Variants in GLB1 observed in about 807,000 individuals in gnomAD.
The protein encoded by GLB1 is galactosidase beta 1.
A neutral mutation model predicts 74.0 loss-of-function variants in GLB1; 56 were observed. The observed-to-expected ratio is 0.76, with a 90% CI of 0.61 to 0.94. The LOEUF is 0.94. Ranked by LOEUF, GLB1 falls within the 40% of genes least tolerant of loss-of-function variation. GLB1 has a pLI of 0.00. For synonymous variants in GLB1, 323 were observed against 323.6 expected, an observed-to-expected ratio of 1.00 and a Z score of 0.02; for missense variants, 787 against 845.5, an observed-to-expected ratio of 0.93 and a Z score of 0.86.
Position 33,049,176 on chromosome 3 carries a change from TA to T in GLB1, c.955+2581del, listed in dbSNP as rs568644736. 2.0e-4 allele frequency among the ~76,000 whole-genome samples: 30 copies of T among 152,336 alleles called. No homozygotes were observed. In the South Asian group the frequency reaches 6.2e-3, roughly 32 times the overall value. The stretch of plus-strand genomic sequence containing the variant: ...TGGTCCCGATCCCATCAATGGCAGC[TA>T]GGGGGAATCCCCATCTACTAAGTGA... On this transcript the variant is annotated intron_variant, in intron 9 of 15. Coordinates refer to ENST00000307363, the MANE Select transcript of GLB1 (RefSeq NM_000404.4).
chr3:32,970,153 GACTTA>G, the GLB1 span, among the ~76,000 whole-genome samples: 52 of 152,274 alleles, frequency 3.4e-4, no homozygotes, highest in African/African-American at 1.2e-3. Flanking sequence ...AATAGTTCAG[GACTTA>G]ACTTGACTAT....
At chr3:33,034,250 T>A (rs1698178859) in intron 10 of GLB1, 2 of 677,884 alleles carry the variant, frequency 3.0e-6, no homozygotes, top group African/African-American at 1.8e-5. Context: ...TGGGGCCATC[T>A]TCCTGCTGAC....
rs1698017043 is a variant in GLB1, at chr3:33,031,628, AAAAAAAAAAAAAATATATATAT to A, written c.1069-7325_1069-7304del. Among the ~76,000 whole-genome samples, 5 of 73,090 alleles carry A rather than the reference AAAAAAAAAAAAAATATATATAT, an allele frequency of 6.8e-5. No individual in the cohort carries two copies. In the South Asian group the frequency reaches 1.8e-3, roughly 26 times the overall value. The allele number at this position is 73,090 out of a possible 152,430, so 47.9% of individuals were successfully genotyped here. A position where few individuals can be genotyped will look rare whatever the true frequency, so the allele number is the denominator to read the frequency against. ...CTCTGTCTCAAAAAAAAAAAAAAAA[AAAAAAAAAAAAAATATATATAT>A]ATATATATATATATATATATATATA... On this transcript the variant is annotated intron_variant, in intron 10 of 15. Coordinates refer to ENST00000307363, the MANE Select transcript of GLB1 (RefSeq NM_000404.4).
rs952238345 is a variant in GLB1 at position 32,996,904 on chromosome 3, A to C, written c.*141T>G. ...AAGGTGGGGCTTTGGCACTGCAGGG[A>C]TGCAGGGAAACCTCAGGTGAAAATG... On this transcript the variant is annotated 3_prime_UTR_variant, in exon 16 of 16. Transcript: ENST00000307363. The C allele has an allele frequency of 5.3e-6, 8 of 1,504,694 alleles. No homozygotes were observed. Among genetic ancestry groups the C allele is most frequent in the Non-Finnish European group, 7.2e-6 (8 of 1,104,844 alleles). 93.2% of individuals were successfully genotyped at this position (1,504,694 alleles called of 1,614,324 possible). A position where few individuals can be genotyped will look rare whatever the true frequency, so the allele number is the denominator to read the frequency against.
the GLB1 span, among the ~76,000 whole-genome samples, chr3:32,964,289 C>T: frequency 2.0e-5 from 3 of 152,252 alleles, no homozygotes; most frequent in South Asian, 2.1e-4. Flanking sequence ...ATAAAGTGAA[C>T]GATGGTTCAC....
intron 5 of GLB1, among the ~76,000 whole-genome samples, chr3:33,061,203 G>A (rs1243997294): frequency 1.3e-5 from 2 of 152,126 alleles, no homozygotes; most frequent in Non-Finnish European, 2.9e-5. Flanking sequence ...TTGAGGTCAG[G>A]AGTTTGAAAC....
chr3:33,009,988 TC>T (rs1696955274), intron 15 of GLB1, among the ~76,000 whole-genome samples: 1 of 152,266 alleles, frequency 6.6e-6, no homozygotes, highest in African/African-American at 2.4e-5. Context: ...ACATGCTTTC[TC>T]CACTTGTCAG....
the GLB1 span, among the ~76,000 whole-genome samples, chr3:32,973,003 T>C: frequency 6.6e-6 from 1 of 152,160 alleles, no homozygotes; most frequent in Non-Finnish European, 1.5e-5. Flanking sequence ...AAGTAAGAAA[T>C]GATGTAATGC....
chr3:33,079,490 A>G (rs903900189), intron 1 of GLB1, among the ~76,000 whole-genome samples: 7 of 152,242 alleles, frequency 4.6e-5, no homozygotes, highest in African/African-American at 1.4e-4. Context: ...GAATTGATAG[A>G]TGGAGGAATG....
intron 10 of GLB1, among the ~76,000 whole-genome samples, chr3:33,024,780 T>C (rs1288291667): frequency 1.3e-5 from 2 of 152,194 alleles, no homozygotes; most frequent in Admixed American, 1.3e-4. Context: ...ATGAAACATA[T>C]AACGAAGTAT....
Position 33,016,786 on chromosome 3 carries a change from T to C in GLB1, c.1402A>G (p.Lys468Glu). Reference sequence around the variant, plus strand: ...AGAAGGTCCAGAGTGGCTCCAGCTTTCCCTGTTATGTTCAGAGTGATCACA... The same window carrying C: ...AGAAGGTCCAGAGTGGCTCCAGCTTCCCCTGTTATGTTCAGAGTGATCACA... ...NNVITLNITG[K>E]AGATLDLLVE... The change falls in exon 14 of 16, where the codon AAA becomes GAA. Residue 468 changes from lysine to glutamate, a missense_variant. Transcript: ENST00000307363. 6.2e-7 allele frequency: 1 copy of C among 1,614,196 alleles called. No individual in the cohort carries two copies. Among genetic ancestry groups the C allele is most frequent in the Non-Finnish European group, 8.5e-7 (1 of 1,180,022 alleles).
At chr3:32,987,700 CTT>C in the GLB1 span, among the ~76,000 whole-genome samples, 1 of 152,156 alleles carries the variant, frequency 6.6e-6, no homozygotes, top group South Asian at 2.1e-4. Flanking sequence ...TCTCAATACT[CTT>C]TTAAAAAGAG....
intron 5 of GLB1, among the ~76,000 whole-genome samples, chr3:33,064,870 C>T (rs907303713): frequency 2.7e-5 from 4 of 150,038 alleles, no homozygotes; most frequent in Non-Finnish European, 4.4e-5. Flanking sequence ...ATTTTACCAA[C>T]ACCAAAAACT....
At chr3:32,971,765 A>G in the GLB1 span, among the ~76,000 whole-genome samples, 2 of 152,180 alleles carry the variant, frequency 1.3e-5, no homozygotes, top group African/African-American at 4.8e-5. Context: ...TACTTACCAG[A>G]TCCAAACCCT....
chr3:33,068,737 G>A lies in GLB1; in HGVS notation c.396+83C>T, dbSNP rs530077331. 74 of 1,609,786 alleles carry A rather than the reference G, an allele frequency of 4.6e-5. No homozygotes were observed. In the African/African-American group the frequency reaches 9.5e-4, roughly 21 times the overall value. On this transcript the variant is annotated intron_variant, in intron 3 of 15. Transcript: ENST00000307363. ...CAGGCCCCATGCTCTCTGGAATGCA[G>A]GTCTGCTTTAATTCCCTTTGCCCCA... is the stretch of plus-strand genomic sequence containing the variant.
chr3:33,014,396 G>A, intron 14 of GLB1, 86 bp from the exon 15 acceptor site: 1 of 1,563,292 alleles, frequency 6.4e-7, no homozygotes, highest in Non-Finnish European at 8.7e-7. Context: ...AATGGGAAAA[G>A]CAAACCGGGA....
intron 1 of GLB1, 42 bp downstream of exon 1, chr3:33,096,969 C>A (rs775440094): frequency 6.2e-7 from 1 of 1,603,926 alleles, no homozygotes; most frequent in Admixed American, 1.7e-5. Context: ...GCCAGCCTGT[C>A]CCCTAGCAAT....
intron 15 of GLB1, among the ~76,000 whole-genome samples, chr3:33,008,478 G>A (rs923140004): frequency 6.6e-6 from 1 of 152,156 alleles, no homozygotes; most frequent in African/African-American, 2.4e-5. Context: ...GAAGCTGAGG[G>A]AACAAAGGAG....
At chr3:32,977,289 C>A in the GLB1 span, among the ~76,000 whole-genome samples, 4 of 150,942 alleles carry the variant, frequency 2.7e-5, no homozygotes, top group Non-Finnish European at 4.4e-5. Flanking sequence ...TCACTGCAAT[C>A]TCCACTTCCA....
Sources: allele counts gnomAD v4.1 joint callset (sites outside exome capture counted in the v4.1 genomes callset), GRCh38; gene constraint gnomAD v4.1.1; transcripts MANE v1.5; gene names NCBI Gene and HGNC (gene_info 2026-07-23, HGNC 2026-07-21).